Variants in TAOK1 observed in about 807,000 individuals in gnomAD.
TAOK1 encodes the protein TAO kinase 1.
Under a neutral mutation model 138.3 loss-of-function variants are expected in TAOK1, and 21 were observed. The observed-to-expected ratio is 0.15, with a 90% confidence interval of 0.11 to 0.22. The LOEUF (loss-of-function observed/expected upper bound fraction) is 0.22. TAOK1 is among the 10% of genes least tolerant of loss of function. The probability of loss-of-function intolerance (pLI) is 1.00; values close to 1 mark genes in which losing one functional copy is unlikely to be tolerated. For synonymous variants in TAOK1, 361 were observed against 398.4 expected (o/e 0.91, Z 1.12); for missense variants, 651 against 1,227.7 (o/e 0.53, Z 7.02).
At position 29,536,457 on chromosome 17, in the gene TAOK1, G is replaced by A. The variant is rs191904239; in HGVS notation, c.2544+2157G>A. 2.1e-3 allele frequency among the ~76,000 whole-genome samples: 310 copies of A among 151,200 alleles called. 3 individuals are homozygous for A. The highest frequency in any genetic ancestry group is 1.8e-3 in the Non-Finnish European group (120 of 67,840). On this transcript the variant is annotated intron_variant, in intron 19 of 19. Transcript: ENST00000261716. ...TACTAAAAATACAAAAAATTAACCC[G>A]GGCATGATGGCGGGTGCCTATAGTC...
In TAOK1 at chr17:29,544,745, G is replaced by T. The variant is rs1023234126; in HGVS notation, c.*1723G>T. 1.3e-5 allele frequency: 2 copies of T among 152,174 alleles called. No individual in the cohort carries two copies. Among genetic ancestry groups the T allele is most frequent in the Admixed American group, 6.5e-5 (1 of 15,270 alleles). 9.4% of individuals were successfully genotyped at this position (152,174 alleles called of 1,614,324 possible). The stretch of plus-strand genomic sequence containing the variant: ...AAATCAGAGTTTCTTACAAGTTATT[G>T]TCCTGCTCCCTTCCAAGTTGTCTTG... On this transcript the variant is annotated 3_prime_UTR_variant, in exon 20 of 20. Transcript: ENST00000261716.
intron 1 of TAOK1, among the ~76,000 whole-genome samples, chr17:29,394,172 T>G (rs1478492587): frequency 7.7e-6 from 1 of 130,004 alleles, no homozygotes; most frequent in Non-Finnish European, 1.6e-5. Context: ...TTTTTTTTTT[T>G]TTTTTTTTTT....
At chr17:29,524,549 A>G (rs2031975275) in intron 17 of TAOK1, among the ~76,000 whole-genome samples, 1 of 152,232 alleles carries the variant, frequency 6.6e-6, no homozygotes, top group South Asian at 2.1e-4. Context: ...AATAAAATGC[A>G]TTTCTGATTA....
intron 13 of TAOK1, 78 bp downstream of exon 13, chr17:29,502,801 T>G: frequency 6.9e-7 from 1 of 1,442,002 alleles, no homozygotes; most frequent in Non-Finnish European, 9.3e-7. Context: ...TATAGCTATA[T>G]ATTGTTTTGT....
At chr17:29,453,353 G>A (rs1049655446) in intron 2 of TAOK1, among the ~76,000 whole-genome samples, 2 of 151,656 alleles carry the variant, frequency 1.3e-5, no homozygotes, top group Admixed American at 6.6e-5. Context: ...TAGAGACAGC[G>A]TTTCACCGTG....
At chr17:29,535,381 GAACTCT>G (rs1268605435) in intron 19 of TAOK1, among the ~76,000 whole-genome samples, 1 of 152,134 alleles carries the variant, frequency 6.6e-6, no homozygotes, top group East Asian at 1.9e-4. Flanking sequence ...ATACATTCCA[GAACTCT>G]TGAGTCTTAA....
rs1422992939 is a variant in TAOK1, at chr17:29,546,626, A to AT, written c.*3605dup. ...TTCACTAGTGGAAATAAATTGTATT[A>AT]TACCATGATCTACTGGCTTTTTAAA... On this transcript the variant is annotated 3_prime_UTR_variant, in exon 20 of 20. Coordinates refer to ENST00000261716, the MANE Select transcript of TAOK1 (RefSeq NM_020791.4). 1 of 152,146 alleles carries AT rather than the reference A, an allele frequency of 6.6e-6. No homozygotes were observed. The highest frequency in any genetic ancestry group is 1.5e-5 in the Non-Finnish European group (1 of 67,994). 9.4% of individuals were successfully genotyped at this position (152,146 alleles called of 1,614,324 possible). A position where few individuals can be genotyped will look rare whatever the true frequency, so the allele number is the denominator to read the frequency against.
chr17:29,449,766 G>A (rs9914038), intron 1 of TAOK1, among the ~76,000 whole-genome samples: 88,613 of 151,906 alleles, frequency 0.58, 26,493 homozygotes, highest in East Asian at 0.97. Context: ...GCTTGAACCT[G>A]GGAGATGGGT....
In TAOK1 at chr17:29,550,269, GGA is replaced by G. The variant is rs1405486530; in HGVS notation, c.*7248_*7249del. On this transcript the variant is annotated 3_prime_UTR_variant, in exon 20 of 20. Transcript: ENST00000261716. ...GAACTCTTTTGCAAAAGCAATGGTC[GGA>G]TGTAAATAACATTTAAAGTATAGTG... is the stretch of plus-strand genomic sequence containing the variant. 6.6e-6 allele frequency: 1 copy of G among 152,074 alleles called. No homozygotes were observed. The highest frequency in any genetic ancestry group is 1.9e-4 in the East Asian group (1 of 5,196). 9.4% of individuals were successfully genotyped at this position (152,074 alleles called of 1,614,324 possible).
At chr17:29,396,671 TGC>T (rs1206658242) in intron 1 of TAOK1, among the ~76,000 whole-genome samples, 6 of 152,196 alleles carry the variant, frequency 3.9e-5, no homozygotes, top group Non-Finnish European at 7.3e-5. Context: ...CTTTCTGGTT[TGC>T]AGCTACCAAT....
chr17:29,534,324 C>T (rs538352447), intron 19 of TAOK1, 24 bp downstream of exon 19: 324 of 1,488,434 alleles, frequency 2.2e-4, no homozygotes, highest in Non-Finnish European at 2.8e-4. Context: ...AAGGAAAAAT[C>T]ATTGTTTTCG....
chr17:29,464,307 G>T (rs1229443506), intron 2 of TAOK1, among the ~76,000 whole-genome samples: 1 of 151,722 alleles, frequency 6.6e-6, no homozygotes, highest in Non-Finnish European at 1.5e-5. Context: ...AGCTGGGCGT[G>T]GTGGCGGGCA....
At chr17:29,522,027 C>T (rs547809388) in intron 16 of TAOK1, among the ~76,000 whole-genome samples, 1 of 152,166 alleles carries the variant, frequency 6.6e-6, no homozygotes, top group East Asian at 1.9e-4. Flanking sequence ...AATGTTAAAC[C>T]TCTTGATATA....
At chr17:29,501,221 TAAA>T (rs66503222) in intron 12 of TAOK1, among the ~76,000 whole-genome samples, 2,272 of 120,600 alleles carry the variant, frequency 0.019, 59 homozygotes, top group African/African-American at 0.062. Flanking sequence ...CCCATCTGTT[TAAA>T]AAAAAAAAAA....
At chr17:29,455,062 C>A (rs2030340855) in intron 2 of TAOK1, among the ~76,000 whole-genome samples, 1 of 152,060 alleles carries the variant, frequency 6.6e-6, no homozygotes, top group Non-Finnish European at 1.5e-5. Context: ...AGGTACACAC[C>A]ACCACACTTG....
In TAOK1 at chr17:29,400,223, G is replaced by A. The variant is rs147004676; in HGVS notation, c.-95+9199G>A. Among the ~76,000 whole-genome samples, 1,327 of 151,912 alleles carry A rather than the reference G, an allele frequency of 8.7e-3. 22 individuals carry two copies. The highest frequency in any genetic ancestry group is 0.03 in the African/African-American group (1,243 of 41,432). On this transcript the variant is annotated intron_variant, in intron 1 of 19. Transcript: ENST00000261716. ...ATCCTGGCCAAAGTGGTGAAACCCC[G>A]TCTTTACTAAAAACACAAAAATTAG...
intron 16 of TAOK1, among the ~76,000 whole-genome samples, chr17:29,518,750 C>CT (rs11271070): frequency 0.23 from 33,990 of 150,352 alleles, 4,210 homozygotes; most frequent in Non-Finnish European, 0.27. Context: ...TTTATTTTTA[C>CT]TTTATCTATT....
intron 15 of TAOK1, 45 bp from the exon 16 acceptor site, chr17:29,517,408 C>T: frequency 5.0e-6 from 8 of 1,594,250 alleles, no homozygotes; most frequent in Non-Finnish European, 6.9e-6. Context: ...GCGTGAGCCA[C>T]CGTGCCAGGC....
At chr17:29,432,646 G>A (rs919950812) in intron 1 of TAOK1, among the ~76,000 whole-genome samples, 4 of 151,676 alleles carry the variant, frequency 2.6e-5, no homozygotes, top group African/African-American at 9.7e-5. Context: ...GCTAATTTTT[G>A]TATTTTTTAG....
Sources: gnomAD v4.1 joint callset for allele counts (sites outside exome capture counted in the v4.1 genomes callset) on GRCh38, gnomAD v4.1.1 for gene constraint, MANE v1.5 for transcripts, NCBI Gene and HGNC (gene_info 2026-07-23, HGNC 2026-07-21) for gene names.